DNAH5: variants seen among roughly 807,000 people sequenced by gnomAD.
The protein encoded by DNAH5 is axonemal beta dynein heavy chain 5.
Under a neutral mutation model 518.2 loss-of-function variants are expected in DNAH5, and 372 were observed. The observed-to-expected ratio is 0.72, with a 90% confidence interval of 0.66 to 0.78. The LOEUF is 0.78. DNAH5 is among the 30% of genes least tolerant of loss of function. The pLI, the probability that DNAH5 is intolerant of heterozygous loss-of-function variation, is 0.00. For synonymous variants in DNAH5, 2,039 were observed against 2,025.9 expected (o/e 1.01, Z -0.17); for missense variants, 5,523 against 5,687.0 (o/e 0.97, Z 0.93).
At chr5:13,983,708 G>C (rs1782842164) in intron 1 of DNAH5, among the ~76,000 whole-genome samples, 1 of 152,158 alleles carries the variant, frequency 6.6e-6, no homozygotes, top group Admixed American at 6.5e-5. Flanking sequence ...ATGGAGGCAT[G>C]ACCAAATTCT....
intron 1 of DNAH5, among the ~76,000 whole-genome samples, chr5:13,938,328 C>CTCAAT: frequency 6.6e-6 from 1 of 152,254 alleles, no homozygotes; most frequent in Middle Eastern, 3.4e-3. Flanking sequence ...CTCACTTCAT[C>CTCAAT]TCATTATGCA....
At chr5:13,999,297 T>G (rs1784182609) in intron 1 of DNAH5, among the ~76,000 whole-genome samples, 1 of 152,246 alleles carries the variant, frequency 6.6e-6, no homozygotes, top group South Asian at 2.1e-4. Flanking sequence ...GTACAACAGA[T>G]CTCTAGGGCT....
chr5:13,791,337 C>T (rs144284106), intron 50 of DNAH5, among the ~76,000 whole-genome samples: 1 of 152,308 alleles, frequency 6.6e-6, no homozygotes, highest in Non-Finnish European at 1.5e-5. Context: ...ATAGGCTACG[C>T]TTTGGAACAA....
chr5:13,701,140 G>T, intron 77 of DNAH5, 144 bp downstream of exon 77: 2 of 1,124,656 alleles, frequency 1.8e-6, no homozygotes, highest in Non-Finnish European at 2.6e-6. Context: ...AACTGGCTGG[G>T]ATTTATGTAC....
chr5:13,820,575 A>T, intron 40 of DNAH5, 76 bp from the exon 41 acceptor site: 2 of 1,568,060 alleles, frequency 1.3e-6, no homozygotes, highest in Non-Finnish European at 1.7e-6. Context: ...CTGTAATCCC[A>T]ACAATTTGGG....
intron 70 of DNAH5, 36 bp from the exon 71 acceptor site, chr5:13,721,281 T>G (rs776090609): frequency 3.7e-6 from 6 of 1,613,696 alleles, no homozygotes; most frequent in Non-Finnish European, 5.1e-6. Context: ...TAAAAGTCAT[T>G]CCAACTCTTT....
chr5:13,916,974 A>G (rs1401485673), intron 8 of DNAH5, among the ~76,000 whole-genome samples, 169 bp downstream of exon 8: 1 of 152,186 alleles, frequency 6.6e-6, no homozygotes, highest in Non-Finnish European at 1.5e-5. Flanking sequence ...AAATACAGAT[A>G]TTTGTGCGTC....
At chr5:13,887,233 T>C (rs1026327236) in intron 17 of DNAH5, among the ~76,000 whole-genome samples, 1 of 152,192 alleles carries the variant, frequency 6.6e-6, no homozygotes, top group African/African-American at 2.4e-5. Flanking sequence ...GATCATAAAA[T>C]TCCTTTGTAT....
intron 22 of DNAH5, among the ~76,000 whole-genome samples, chr5:13,876,228 A>T (rs777336552): frequency 3.3e-5 from 5 of 152,256 alleles, no homozygotes; most frequent in Non-Finnish European, 7.4e-5. Flanking sequence ...CTTTATTCTC[A>T]GTTTCATCTA....
chr5:13,876,578 AGT>A, intron 22 of DNAH5, 104 bp downstream of exon 22: 1 of 1,326,796 alleles, frequency 7.5e-7, no homozygotes, highest in Non-Finnish European at 1.0e-6. Context: ...CTGAAAGCAC[AGT>A]GTGTGAGACC....
intron 77 of DNAH5, 50 bp from the exon 78 acceptor site, chr5:13,700,921 T>C (rs778163384): frequency 1.2e-5 from 18 of 1,555,928 alleles, no homozygotes; most frequent in Non-Finnish European, 1.6e-5. Flanking sequence ...TTTGTCTTAA[T>C]AGAAAGAGCA....
intron 12 of DNAH5, among the ~76,000 whole-genome samples, chr5:13,904,950 GAAGTAA>G (rs1775105376): frequency 6.6e-6 from 1 of 151,846 alleles, no homozygotes; most frequent in African/African-American, 2.4e-5. Context: ...GAAATAGTAG[GAAGTAA>G]AAGAACAGAA....
Position 13,793,588 on chromosome 5 carries a change from GGGTATGTCATTGC to G in DNAH5, c.8138_8150del (p.Arg2713ProfsTer27). 1 of 1,614,084 alleles carries G rather than the reference GGGTATGTCATTGC, an allele frequency of 6.2e-7. No homozygotes were observed. The highest frequency in any genetic ancestry group is 8.5e-7 in the Non-Finnish European group (1 of 1,180,008). Reference sequence around the variant, plus strand: ...TAGAGAACTGCCTCTTGAGTCTTTGGGGTATGTCATTGCGTCCACCACCAGGATGGATCATGGC... The same window carrying G: ...TAGAGAACTGCCTCTTGAGTCTTTGGGTCCACCACCAGGATGGATCATGGC... On this transcript the variant is annotated frameshift_variant, in exon 49 of 79. Coordinates refer to ENST00000265104, the MANE Select transcript of DNAH5 (RefSeq NM_001369.3). LOFTEE classifies it high-confidence loss of function.
rs1759818051 is a variant in DNAH5 at position 13,807,574 on chromosome 5, T to C, written c.7887+17A>G. The C allele has an allele frequency of 1.2e-6, 2 of 1,612,606 alleles. No homozygotes were observed. The highest frequency in any genetic ancestry group is 1.3e-5 in the African/African-American group (1 of 74,856). On this transcript the variant is annotated intron_variant, in intron 47 of 78. Coordinates refer to ENST00000265104, the MANE Select transcript of DNAH5 (RefSeq NM_001369.3). ...TCACAAAATTGGGCTTACTGAGCCA[T>C]ACCAAAGAGCCAGTACCTGGAACAT... is the stretch of plus-strand genomic sequence containing the variant.
At position 13,884,698 on chromosome 5, in the gene DNAH5, G is replaced by A. The variant is rs140094398; in HGVS notation, c.2983+291C>T. The stretch of plus-strand genomic sequence containing the variant: ...CTAAAATACAAAAAATTAGCCAGGC[G>A]TGGCGGCGTGCGCCTATAGTCCCAG... On this transcript the variant is annotated intron_variant, in intron 19 of 78. Transcript: ENST00000265104. Among the ~76,000 whole-genome samples the A allele has an allele frequency of 4.9e-3, 746 of 152,328 alleles. 9 individuals carry two copies. The highest frequency in any genetic ancestry group is 0.017 in the African/African-American group (707 of 41,574).
In DNAH5 at chr5:13,777,248, T is replaced by A. The variant is rs1754227488; in HGVS notation, c.9059A>T (p.Asp3020Val). The A allele has an allele frequency of 6.2e-7, 1 of 1,613,022 alleles. No homozygotes were observed. Among genetic ancestry groups the A allele is most frequent in the African/African-American group, 1.3e-5 (1 of 74,892 alleles). The change falls in exon 54 of 79, where the codon GAT (aspartate) becomes GTT (valine). Residue 3020 changes from aspartate to valine, a missense_variant. Asp to Val is a radical substitution (Grantham distance 152, BLOSUM62 -3). Around this residue, in one of 3 missense-constraint regions of DNAH5, gnomAD observed 5,121 missense variants for 5,223.3 expected, o/e 0.98. Coordinates refer to ENST00000265104, the MANE Select transcript of DNAH5 (RefSeq NM_001369.3). Reference sequence around the variant, plus strand: ...GTTCATATATTCCAAAAATGACTCATCTTTAATCTCATTGTCTGTGAAAAT... The same window carrying A: ...GTTCATATATTCCAAAAATGACTCAACTTTAATCTCATTGTCTGTGAAAAT... ...TFIFTDNEIK[D>V]ESFLEYMNNV...
intron 55 of DNAH5, among the ~76,000 whole-genome samples, chr5:13,772,278 T>C (rs1254652939): frequency 1.3e-5 from 2 of 152,232 alleles, no homozygotes; most frequent in Non-Finnish European, 2.9e-5. Flanking sequence ...TTCCTTGTAT[T>C]TATCATGTAA....
intron 78 of DNAH5, among the ~76,000 whole-genome samples, chr5:13,693,538 G>A (rs965359475): frequency 6.6e-6 from 1 of 152,146 alleles, no homozygotes; most frequent in Non-Finnish European, 1.5e-5. Flanking sequence ...TCCTAAAGCC[G>A]TGATTCTTAA....
intron 31 of DNAH5, among the ~76,000 whole-genome samples, chr5:13,847,919 G>T (rs1465816604): frequency 2.0e-5 from 3 of 152,048 alleles, no homozygotes; most frequent in Non-Finnish European, 4.4e-5. Context: ...TGTCTTAGTG[G>T]TCCCTGCCCC....
Sources: allele counts gnomAD v4.1 joint callset (sites outside exome capture counted in the v4.1 genomes callset), GRCh38; gene constraint gnomAD v4.1.1; regional missense constraint gnomAD v4.1.1; transcripts MANE v1.5; gene names NCBI Gene and HGNC (gene_info 2026-07-23, HGNC 2026-07-21).